Variants in ZNF777 observed in about 807,000 individuals in gnomAD.
The protein encoded by ZNF777 is zinc finger protein 777.
Under a neutral mutation model 72.1 loss-of-function variants are expected in ZNF777, and 7 were observed. That is an observed-to-expected ratio of 0.10 (90% CI 0.06 to 0.18). ZNF777 has a LOEUF of 0.18. Among genes scored for constraint, ZNF777 ranks in the 10% least tolerant of loss-of-function variants. The pLI, the probability that ZNF777 is intolerant of heterozygous loss-of-function variation, is 1.00. For missense variants in ZNF777, 828 were observed against 1,128.6 expected, an observed-to-expected ratio of 0.73 and a Z score of 3.82; for synonymous variants, 545 against 483.5, an observed-to-expected ratio of 1.13 and a Z score of -1.67.
Position 149,432,870 on chromosome 7 carries a change from G to GCTCATCCTC in ZNF777, c.1393_1401dup (p.Glu465_Glu467dup). 6.4e-7 allele frequency: 1 copy of GCTCATCCTC among 1,562,594 alleles called. No homozygotes were observed. The highest frequency in any genetic ancestry group is 8.7e-7 in the Non-Finnish European group (1 of 1,154,052). Reference sequence around the variant, plus strand: ...CCAAGGGATTGCAAGTGCTGCGGCAGCTCATCCTCCTCCTCCTCTTCTTCC... The same window carrying GCTCATCCTC: ...CCAAGGGATTGCAAGTGCTGCGGCAGCTCATCCTCCTCATCCTCCTCCTCCTCTTCTTCC... On this transcript the variant is annotated inframe_insertion, in exon 6 of 6. Transcript: ENST00000247930.
chr7:149,443,574 A>T (rs1228962226), intron 4 of ZNF777, among the ~76,000 whole-genome samples: 1 of 152,188 alleles, frequency 6.6e-6, no homozygotes, highest in Non-Finnish European at 1.5e-5. Context: ...AATTAAAAAA[A>T]ATTTTTTTTA....
At chr7:149,434,034 C>T (rs894477198) in intron 5 of ZNF777, among the ~76,000 whole-genome samples, 5 of 84,054 alleles carry the variant, frequency 5.9e-5, no homozygotes, top group African/African-American at 4.4e-4. Context: ...GTACTCATAC[C>T]TGTCCTTTTT....
At chr7:149,438,625 T>A (rs1246590443) in intron 4 of ZNF777, among the ~76,000 whole-genome samples, 1 of 152,138 alleles carries the variant, frequency 6.6e-6, no homozygotes, top group Non-Finnish European at 1.5e-5. Context: ...ACTTTGTATG[T>A]TAGAAGGTGA....
chr7:149,458,933 G>C (rs1799887509), intron 1 of ZNF777, among the ~76,000 whole-genome samples: 1 of 152,196 alleles, frequency 6.6e-6, no homozygotes, highest in African/African-American at 2.4e-5. Flanking sequence ...GACGGATCAG[G>C]AGTGGATGGA....
In ZNF777 at chr7:149,455,943, A is replaced by T. The variant is rs1352272400; in HGVS notation, c.80T>A (p.Leu27His). 3.8e-5 allele frequency: 62 copies of T among 1,613,186 alleles called. No homozygotes were observed. Among genetic ancestry groups the T allele is most frequent in the Non-Finnish European group, 4.7e-5 (55 of 1,179,782 alleles). Residue 27 changes from leucine to histidine, a missense_variant, in exon 2 of 6, where the codon CTC (leucine) becomes CAC (histidine). Coordinates refer to ENST00000247930, the MANE Select transcript of ZNF777 (RefSeq NM_015694.3). This position sits in a 1 kb window ranked among gnomAD's most constrained non-coding sequence, Gnocchi z 4.2. ...EETLRQAPAG[L>H]PRETLFQSRV... is the part of the protein sequence containing the mutation. Reference sequence around the variant, plus strand: ...GGATTGGAACAGAGTTTCTCGGGGGAGTCCAGCAGGGGCCTGACGTAAGGT... The same window carrying T: ...GGATTGGAACAGAGTTTCTCGGGGGTGTCCAGCAGGGGCCTGACGTAAGGT...
Position 149,431,975 on chromosome 7 carries a change from A to T in ZNF777, c.2297T>A (p.Leu766Gln). The change falls in exon 6 of 6, where the codon CTG becomes CAG. Residue 766 changes from leucine to glutamine, a missense_variant. Around this residue, in one of 12 missense-constraint regions of ZNF777, gnomAD observed 49 missense variants for 135.8 expected, o/e 0.36. Transcript: ENST00000247930. Reference protein sequence around the residue: ...GKSFIRKHHLLEHRRIHTGER... With the variant: ...GKSFIRKHHLQEHRRIHTGER... The stretch of plus-strand genomic sequence containing the variant: ...GCCTGTGTGGATGCGCCGGTGTTCC[A>T]GGAGGTGGTGCTTGCGGATGAAGCT... 6.2e-7 allele frequency: 1 copy of T among 1,610,384 alleles called. No homozygotes were observed. The highest frequency in any genetic ancestry group is 8.5e-7 in the Non-Finnish European group (1 of 1,179,274).
chr7:149,451,029 C>T lies in ZNF777; in HGVS notation c.1057G>A (p.Glu353Lys), dbSNP rs553383122. 9.3e-6 allele frequency: 15 copies of T among 1,614,008 alleles called. No individual in the cohort carries two copies. The highest frequency in any genetic ancestry group is 7.7e-5 in the South Asian group (7 of 91,088). ...CTGGGATCTGTCGGCGTTTCGCCCT[C>T]CTCAGAGTCTTCCTGCTCCTGCATG... ...PTMQEQEDSEEGETPTDPSAA... is the reference protein window; with the variant it reads ...PTMQEQEDSEKGETPTDPSAA... The change falls in exon 4 of 6, where the codon GAG becomes AAG. Residue 353 changes from glutamate (E) to lysine (K), a missense_variant. By Grantham distance (56) the Glu-to-Lys change is moderately conservative. Around this residue, in one of 12 missense-constraint regions of ZNF777, gnomAD observed 73 missense variants for 90.6 expected, o/e 0.81. Transcript: ENST00000247930.
Position 149,436,972 on chromosome 7 carries a change from A to G in ZNF777, c.1088-146T>C. 1 of 1,035,944 alleles carries G rather than the reference A, an allele frequency of 9.7e-7. No individual in the cohort carries two copies. The highest frequency in any genetic ancestry group is 2.9e-5 in the Admixed American group (1 of 34,736). 64.2% of individuals were successfully genotyped at this position (1,035,944 alleles called of 1,614,324 possible). A position where few individuals can be genotyped will look rare whatever the true frequency, so the allele number is the denominator to read the frequency against. ...GAAATGTAATATTGAGTTGGAAATG[A>G]GTAGACACAGAATTTTCTGGACACC... is the stretch of plus-strand genomic sequence containing the variant. On this transcript the variant is annotated intron_variant, in intron 4 of 5. Transcript: ENST00000247930. The surrounding 1 kb of genome is among the most constrained non-coding windows in gnomAD (Gnocchi z 5.0).
At chr7:149,435,699 A>G (rs1242275539) in intron 5 of ZNF777, among the ~76,000 whole-genome samples, 1 of 152,256 alleles carries the variant, frequency 6.6e-6, no homozygotes, top group African/African-American at 2.4e-5. Context: ...ACATCCAGAC[A>G]AAAACAAAAG....
chr7:149,460,357 C>G lies in ZNF777; in HGVS notation c.-16+458G>C, dbSNP rs1325210086. ...CGAGCGGGCGCGGGGTCGCGGAGCC[C>G]GAGCGGCGGCGTCGGAGCTGGGCGC... On this transcript the variant is annotated intron_variant, in intron 1 of 5. Transcript: ENST00000247930. This position sits in a 1 kb window ranked among gnomAD's most constrained non-coding sequence, Gnocchi z 6.1. 6.9e-6 allele frequency among the ~76,000 whole-genome samples: 1 copy of G among 145,958 alleles called. No homozygotes were observed. Among genetic ancestry groups the G allele is most frequent in the Non-Finnish European group, 1.5e-5 (1 of 65,736 alleles).
At chr7:149,450,962 T>G in intron 4 of ZNF777, 37 bp downstream of exon 4, 1 of 1,566,274 alleles carries the variant, frequency 6.4e-7, no homozygotes, top group Non-Finnish European at 8.8e-7. Flanking sequence ...CTGAAAGATC[T>G]AGAATGCAGA....
At chr7:149,444,859 A>G (rs900193902) in intron 4 of ZNF777, among the ~76,000 whole-genome samples, 2 of 151,822 alleles carry the variant, frequency 1.3e-5, no homozygotes, top group Admixed American at 6.6e-5. Context: ...GTGTAGGTCT[A>G]TTTTCTTCCA....
At chr7:149,448,579 CTATATATATATATATATATATA>C (rs57860880) in intron 4 of ZNF777, among the ~76,000 whole-genome samples, 2 of 115,104 alleles carry the variant, frequency 1.7e-5, no homozygotes, top group African/African-American at 3.5e-5. Flanking sequence ...ATACATATAA[CTATATATATATATATATATATA>C]TATATATATA....
Position 149,454,269 on chromosome 7 carries a change from G to A in ZNF777, c.847-32C>T, listed in dbSNP as rs765684594. The A allele has an allele frequency of 1.7e-5, 28 of 1,612,416 alleles. No homozygotes were observed. The East Asian group carries it at 1.8e-4, about 10-fold the overall frequency. On this transcript the variant is annotated intron_variant, in intron 2 of 5. Coordinates refer to ENST00000247930, the MANE Select transcript of ZNF777 (RefSeq NM_015694.3). ...CCACACAATAACTCGGCTCAGACCCGCTGGAAGGCAGTGACAGGCCCACGG... is the reference window on the plus strand; with the variant it reads ...CCACACAATAACTCGGCTCAGACCCACTGGAAGGCAGTGACAGGCCCACGG...
At chr7:149,441,869 T>C (rs1375761257) in intron 4 of ZNF777, among the ~76,000 whole-genome samples, 2 of 152,132 alleles carry the variant, frequency 1.3e-5, no homozygotes, top group Non-Finnish European at 2.9e-5. Flanking sequence ...TAGGTTTTTT[T>C]TGAGATGCTC....
chr7:149,448,186 C>G (rs566364664), intron 4 of ZNF777, among the ~76,000 whole-genome samples: 6 of 151,970 alleles, frequency 3.9e-5, no homozygotes, highest in Non-Finnish European at 5.9e-5. Flanking sequence ...TAAAAATAAG[C>G]CAGGTGCAGT....
At chr7:149,459,803 G>T (rs1466523892) in intron 1 of ZNF777, 1 of 984,738 alleles carries the variant, frequency 1.0e-6, no homozygotes, top group Non-Finnish European at 1.2e-6. Context: ...AAAACGTGCC[G>T]GCGGCTACCC....
At position 149,440,681 on chromosome 7, in the gene ZNF777, T is replaced by G. The variant is rs529050093; in HGVS notation, c.1088-3855A>C. On this transcript the variant is annotated intron_variant, in intron 4 of 5. Transcript: ENST00000247930. ...CAGCCTGTTGTTTTTTTGTTTTTTT[T>G]TTTTTTTTTTTAAATAATGGGAGAT... 1.0e-3 allele frequency among the ~76,000 whole-genome samples: 150 copies of G among 147,064 alleles called. 2 individuals are homozygous for G. Among genetic ancestry groups the G allele is most frequent in the Non-Finnish European group, 1.3e-3 (90 of 67,664 alleles).
rs1023056111 is a variant in ZNF777, at chr7:149,443,523, G to A, written c.1088-6697C>T. Among the ~76,000 whole-genome samples the A allele has an allele frequency of 3.3e-5, 5 of 152,048 alleles. No homozygotes were observed. In the East Asian group the frequency reaches 7.7e-4, roughly 23 times the overall value. ...AAGTAAATAAATATTGGTTGACACT[G>A]ACTTTCCAATCTTCGCATGGCTATA... is the stretch of plus-strand genomic sequence containing the variant. On this transcript the variant is annotated intron_variant, in intron 4 of 5. Coordinates refer to ENST00000247930, the MANE Select transcript of ZNF777 (RefSeq NM_015694.3).
Sources: allele counts gnomAD v4.1 joint callset (sites outside exome capture counted in the v4.1 genomes callset), GRCh38; gene constraint gnomAD v4.1.1; regional missense constraint gnomAD v4.1.1; non-coding constraint Gnocchi (gnomAD v3.1); transcripts MANE v1.5; gene names NCBI Gene and HGNC (gene_info 2026-07-23, HGNC 2026-07-21).